Variants in CRPPA observed in about 807,000 individuals in gnomAD.
The protein encoded by CRPPA is D-ribitol-5-phosphate cytidylyltransferase.
In CRPPA, 43 loss-of-function variants were observed where a neutral mutation model predicts 52.0. The ratio of observed to expected loss-of-function variants is 0.83; its 90% CI spans 0.65 to 1.07. The LOEUF is 1.07. Among genes scored for constraint, CRPPA ranks in the 50% least tolerant of loss-of-function variants. The pLI, the probability that CRPPA is intolerant of heterozygous loss-of-function variation, is 0.00. For missense variants in CRPPA, 629 were observed against 551.7 expected (o/e 1.14, Z -1.40); for synonymous variants, 250 against 203.5 (o/e 1.23, Z -1.94).
At chr7:16,277,364 C>CAAAAAAAAA (rs35386502) in intron 6 of CRPPA, 1 of 77,690 alleles carries the variant, frequency 1.3e-5, no homozygotes, top group African/African-American at 5.0e-5. Flanking sequence ...GACTCCATCT[C>CAAAAAAAAA]AAAAAAAAAA....
At chr7:16,419,676 TCTGTCTCAA>T (rs1218859093) in intron 1 of CRPPA, among the ~76,000 whole-genome samples, 1 of 152,024 alleles carries the variant, frequency 6.6e-6, no homozygotes. Context: ...AACCCAGTAA[TCTGTCTCAA>T]CCAGTTCTGC....
intron 3 of CRPPA, among the ~76,000 whole-genome samples, chr7:16,333,237 C>T (rs1044422083): frequency 2.6e-5 from 4 of 152,094 alleles, no homozygotes; most frequent in Admixed American, 2.6e-4. Context: ...GCAATAAAGA[C>T]ATAGTTGACC....
intron 3 of CRPPA, among the ~76,000 whole-genome samples, chr7:16,373,617 G>T (rs1786806606): frequency 6.6e-6 from 1 of 152,170 alleles, no homozygotes; most frequent in South Asian, 2.1e-4. Context: ...CACAGAACGG[G>T]TCAGCCTAAC....
At chr7:16,416,849 A>G (rs1399479622) in intron 1 of CRPPA, among the ~76,000 whole-genome samples, 1 of 152,154 alleles carries the variant, frequency 6.6e-6, no homozygotes, top group Non-Finnish European at 1.5e-5. Context: ...CTCCAAAAAA[A>G]CAATAGAGCT....
At chr7:16,117,053 G>A (rs577679038) in intron 9 of CRPPA, among the ~76,000 whole-genome samples, 39 of 152,242 alleles carry the variant, frequency 2.6e-4, no homozygotes, top group African/African-American at 9.1e-4. Context: ...GACCTGGGCT[G>A]CAGACTTCCA....
chr7:16,374,989 T>A (rs1370073776), intron 3 of CRPPA, among the ~76,000 whole-genome samples: 1 of 152,224 alleles, frequency 6.6e-6, no homozygotes, highest in Non-Finnish European at 1.5e-5. Flanking sequence ...ATTTCAAATG[T>A]TGATGTACAG....
chr7:16,156,932 G>C (rs1244844653), intron 9 of CRPPA, among the ~76,000 whole-genome samples: 2 of 152,160 alleles, frequency 1.3e-5, no homozygotes, highest in Non-Finnish European at 2.9e-5. Context: ...GCAAAATACA[G>C]CTCCAAAGAG....
chr7:16,177,415 C>G (rs1453168043), intron 9 of CRPPA, among the ~76,000 whole-genome samples: 1 of 152,008 alleles, frequency 6.6e-6, no homozygotes. Context: ...GTGCAACATA[C>G]AGAATCGTAA....
At chr7:16,206,705 T>C (rs1422681647) in intron 9 of CRPPA, among the ~76,000 whole-genome samples, 1 of 152,180 alleles carries the variant, frequency 6.6e-6, no homozygotes, top group African/African-American at 2.4e-5. Context: ...TTTAGAATGA[T>C]ACAGTGATTA....
intron 9 of CRPPA, among the ~76,000 whole-genome samples, chr7:16,099,134 T>C (rs966148795): frequency 6.6e-6 from 1 of 151,808 alleles, no homozygotes; most frequent in African/African-American, 2.4e-5. Flanking sequence ...AAGCCTGTAG[T>C]TCCTGCTACG....
intron 3 of CRPPA, among the ~76,000 whole-genome samples, chr7:16,366,795 TAA>T (rs55913250): frequency 6.7e-5 from 8 of 119,492 alleles, no homozygotes; most frequent in African/African-American, 1.5e-4. Context: ...GGGAGAAAAA[TAA>T]AAAAAAAAAA....
intron 9 of CRPPA, among the ~76,000 whole-genome samples, chr7:16,128,517 A>G (rs1470507655): frequency 6.6e-6 from 1 of 152,166 alleles, no homozygotes; most frequent in East Asian, 1.9e-4. Flanking sequence ...TTCAGAGAAC[A>G]TAGGGCTTCT....
intron 2 of CRPPA, among the ~76,000 whole-genome samples, chr7:16,398,225 AACGTGACTGAC>A (rs57230844): frequency 0.48 from 72,326 of 151,354 alleles, 18,283 homozygotes; most frequent in African/African-American, 0.64. Flanking sequence ...TACATGTAAT[AACGTGACTGAC>A]ACGTGACCAA....
intron 3 of CRPPA, among the ~76,000 whole-genome samples, chr7:16,339,132 T>C (rs942339493): frequency 1.3e-5 from 2 of 152,076 alleles, no homozygotes; most frequent in Non-Finnish European, 2.9e-5. Context: ...GAAGAAGTTA[T>C]ACCAATTCTC....
chr7:16,155,023 T>C (rs1003280932), intron 9 of CRPPA, among the ~76,000 whole-genome samples: 1 of 151,076 alleles, frequency 6.6e-6, no homozygotes, highest in African/African-American at 2.4e-5. Context: ...TTCACCATGT[T>C]GGTTAGGCTG....
chr7:16,377,702 C>G (rs1179306388), intron 2 of CRPPA, among the ~76,000 whole-genome samples: 1 of 152,214 alleles, frequency 6.6e-6, no homozygotes, highest in African/African-American at 2.4e-5. Flanking sequence ...CTTCTATACT[C>G]CAGCCAGCTC....
At chr7:16,251,524 C>T (rs1379482690) in intron 8 of CRPPA, among the ~76,000 whole-genome samples, 1 of 151,880 alleles carries the variant, frequency 6.6e-6, no homozygotes, top group East Asian at 1.9e-4. Context: ...CATAACAAAC[C>T]ATCTCTCAGA....
chr7:16,219,516 A>G (rs1782438114), intron 8 of CRPPA, among the ~76,000 whole-genome samples: 1 of 110,572 alleles, frequency 9.0e-6, no homozygotes, highest in African/African-American at 3.2e-5. Flanking sequence ...TGGTTTTTTG[A>G]AAGGATCAAC....
chr7:16,401,781 A>G (rs191260545), intron 2 of CRPPA, among the ~76,000 whole-genome samples: 2 of 152,334 alleles, frequency 1.3e-5, no homozygotes, highest in Non-Finnish European at 2.9e-5. Context: ...GAAATATACA[A>G]GTCCTTCTGA....
Sources: gnomAD v4.1 joint callset for allele counts (sites outside exome capture counted in the v4.1 genomes callset) on GRCh38, gnomAD v4.1.1 for gene constraint, MANE v1.5 for transcripts, NCBI Gene and HGNC (gene_info 2026-07-23, HGNC 2026-07-21) for gene names.